The following ECRG4 variants were observed in gnomAD, a reference collection of about 807,000 sequenced individuals.
ECRG4 encodes the protein ECRG4 augurin precursor, also known as augurin.
ECRG4 carries 18 observed loss-of-function variants against 15.8 expected under a neutral mutation model. The ratio of observed to expected loss-of-function variants is 1.14; its 90% CI spans 0.79 to 1.69. The LOEUF is 1.69. ECRG4 is among the 40% of genes most tolerant of loss of function. The pLI is 0.00. For synonymous variants in ECRG4, 82 were observed against 73.9 expected, an observed-to-expected ratio of 1.11 and a Z score of -0.56; for missense variants, 200 against 190.9, an observed-to-expected ratio of 1.05 and a Z score of -0.28.
At chr2:106,064,147 A>G (rs1286461616), upstream of ECRG4, 1 of 152,222 alleles carries the variant, frequency 6.6e-6, no homozygotes, top group African/African-American at 2.4e-5. Flanking sequence ...AAGGGTTTAG[A>G]AGCACTTCCC....
Position 106,065,788 on chromosome 2 carries a change from TG to T in ECRG4, c.25del (p.Ala9LeufsTer5). On this transcript the variant is annotated frameshift_variant, in exon 1 of 4. Transcript: ENST00000238044. LOFTEE classifies it high-confidence loss of function. Reference sequence around the variant, plus strand: ...CCATGGCTGCCTCCCCCGCGCGGCCTGCTGTCCTGGCCCTGACCGGGCTGGC... The same window carrying T: ...CCATGGCTGCCTCCCCCGCGCGGCCTCTGTCCTGGCCCTGACCGGGCTGGC... MAASPARPAVLALTGLALL... is the reference protein window; with the variant it reads MAASPARPXVLALTGLALL... 6.7e-7 allele frequency: 1 copy of T among 1,484,720 alleles called. No individual in the cohort carries two copies. Among genetic ancestry groups the T allele is most frequent in the Admixed American group, 2.3e-5 (1 of 43,426 alleles). 92.0% of individuals were successfully genotyped at this position (1,484,720 alleles called of 1,614,324 possible). A position where few individuals can be genotyped will look rare whatever the true frequency, so the allele number is the denominator to read the frequency against.
At chr2:106,074,480 G>A (rs1392953110) in intron 3 of ECRG4, among the ~76,000 whole-genome samples, 1 of 152,366 alleles carries the variant, frequency 6.6e-6, no homozygotes, top group Non-Finnish European at 1.5e-5. Context: ...AAAGGGACCT[G>A]TAAAGAGAGG....
At position 106,073,832 on chromosome 2, in the gene ECRG4, G is replaced by C. The variant is rs10187661; in HGVS notation, c.128-54G>C. On this transcript the variant is annotated intron_variant, in intron 2 of 3. Transcript: ENST00000238044. ...GATGTATAACAGGGATTCACCGCAA[G>C]TGAGGAAGGAAGTCATTCTTTGTGC... 4.7e-3 allele frequency: 7,567 copies of C among 1,600,356 alleles called. 249 individuals are homozygous for C. The African/African-American group carries it at 0.075, about 16-fold the overall frequency.
At chr2:106,077,111 T>C (rs1013447511) in intron 3 of ECRG4, among the ~76,000 whole-genome samples, 1 of 152,092 alleles carries the variant, frequency 6.6e-6, no homozygotes, top group African/African-American at 2.4e-5. Context: ...TCAGGAACAG[T>C]AGGCTTCTTG....
chr2:106,065,668 G>C, upstream of ECRG4: 1 of 935,874 alleles, frequency 1.1e-6, no homozygotes, highest in Non-Finnish European at 1.5e-6. Context: ...GATAACCCGC[G>C]GCCGCGCCTG....
At chr2:106,069,666 T>G (rs1676319620) in intron 1 of ECRG4, among the ~76,000 whole-genome samples, 1 of 152,170 alleles carries the variant, frequency 6.6e-6, no homozygotes, top group African/African-American at 2.4e-5. Flanking sequence ...GTTAAACACC[T>G]AAATTCCTTT....
chr2:106,073,898 C>G lies in ECRG4; in HGVS notation c.140C>G (p.Thr47Ser), dbSNP rs767508460. 1.2e-6 allele frequency: 2 copies of G among 1,614,084 alleles called. No individual in the cohort carries two copies. Among genetic ancestry groups the G allele is most frequent in the Non-Finnish European group, 1.7e-6 (2 of 1,180,026 alleles). Residue 47 changes from threonine to serine, a missense_variant, in exon 3 of 4, where the codon ACT becomes AGT. Transcript: ENST00000238044. ...MLQKREAPVP[T>S]KTKVAVDENK... is the part of the protein sequence containing the mutation. ...TTGATGATTTCAGCACCTGTTCCAA[C>G]TAAGACTAAAGTGGCCGTTGATGAG...
chr2:106,070,874 T>C (rs1470675160), intron 1 of ECRG4: 1 of 470,642 alleles, frequency 2.1e-6, no homozygotes, highest in Non-Finnish European at 4.4e-6. Flanking sequence ...GGGGCCTGAC[T>C]CCAGTTCCTT....
chr2:106,077,903 A>C lies in ECRG4; in HGVS notation c.424A>C (p.Ser142Arg). ...RSPYGFRHGASVNYDDY is the reference protein window; with the variant it reads ...RSPYGFRHGARVNYDDY ...CCCCTACGGCTTTAGGCATGGAGCC[A>C]GCGTCAACTACGATGACTACTAACC... is the stretch of plus-strand genomic sequence containing the variant. Residue 142 changes from serine to arginine, a missense_variant, in exon 4 of 4, where the codon AGC becomes CGC. Transcript: ENST00000238044. The C allele has an allele frequency of 6.2e-7, 1 of 1,614,134 alleles. No homozygotes were observed.
chr2:106,075,896 C>T (rs1676478161), intron 3 of ECRG4, among the ~76,000 whole-genome samples: 1 of 152,172 alleles, frequency 6.6e-6, no homozygotes, highest in Non-Finnish European at 1.5e-5. Context: ...GGAATATGAT[C>T]TTCTTTTTCT....
intron 1 of ECRG4, among the ~76,000 whole-genome samples, chr2:106,070,011 C>A (rs1418800441): frequency 6.6e-6 from 1 of 152,226 alleles, no homozygotes; most frequent in Non-Finnish European, 1.5e-5. Flanking sequence ...ACCCAGCAGA[C>A]TCCCAGCTCT....
chr2:106,065,307 G>C (rs1284485315), upstream of ECRG4, among the ~76,000 whole-genome samples: 1 of 147,866 alleles, frequency 6.8e-6, no homozygotes, highest in Non-Finnish European at 1.5e-5. Context: ...CGGAGGAAGT[G>C]GGGGAGCCAA....
intron 2 of ECRG4, 121 bp downstream of exon 2, chr2:106,072,012 G>C (rs1271002815): frequency 2.6e-6 from 2 of 781,216 alleles, no homozygotes; most frequent in East Asian, 5.3e-5. Context: ...CTCCTTAAAA[G>C]GTTAGCAGAT....
At chr2:106,065,097 T>C (rs7559540), upstream of ECRG4, among the ~76,000 whole-genome samples, 2,805 of 152,128 alleles carry the variant, frequency 0.018, 85 homozygotes, top group African/African-American at 0.064. Flanking sequence ...GGACTGCAGC[T>C]CTGAACCCAG....
chr2:106,076,740 C>T (rs985225287), intron 3 of ECRG4, among the ~76,000 whole-genome samples: 1 of 152,162 alleles, frequency 6.6e-6, no homozygotes, highest in African/African-American at 2.4e-5. Flanking sequence ...GTGGCTGGTG[C>T]CTGAGAACCT....
rs1676514145 is a variant in ECRG4, at chr2:106,077,707, C to A, written c.286-58C>A. On this transcript the variant is annotated intron_variant, in intron 3 of 3. Coordinates refer to ENST00000238044, the MANE Select transcript of ECRG4 (RefSeq NM_032411.3). ...AGAAAAGCCATAGGTAAGATTAGGTCTTAGGGGACTGCATGACCTTAAATC... is the reference window on the plus strand; with the variant it reads ...AGAAAAGCCATAGGTAAGATTAGGTATTAGGGGACTGCATGACCTTAAATC... 1.3e-5 allele frequency: 20 copies of A among 1,505,776 alleles called. No homozygotes were observed. The East Asian group carries it at 4.5e-4, about 34-fold the overall frequency. 93.3% of individuals were successfully genotyped at this position (1,505,776 alleles called of 1,614,324 possible). A position where few individuals can be genotyped will look rare whatever the true frequency, so the allele number is the denominator to read the frequency against.
rs546441642 is a variant in ECRG4 at position 106,074,999 on chromosome 2, C to T, written c.285+956C>T. On this transcript the variant is annotated intron_variant, in intron 3 of 3. Coordinates refer to ENST00000238044, the MANE Select transcript of ECRG4 (RefSeq NM_032411.3). ...CAACCATTGGACATATTACTTGTTC[C>T]CTAAGTGTCTTTTTGCTTTTTTTTT... 2.9e-4 allele frequency among the ~76,000 whole-genome samples: 44 copies of T among 152,066 alleles called. 3 individuals are homozygous for T. Among genetic ancestry groups the T allele is most frequent in the Non-Finnish European group, 1.5e-5 (1 of 68,032 alleles).
rs983501524 is a variant in ECRG4 at position 106,065,722 on chromosome 2, C to G, written c.-43C>G. On this transcript the variant is annotated 5_prime_UTR_variant, in exon 1 of 4. Coordinates refer to ENST00000238044, the MANE Select transcript of ECRG4 (RefSeq NM_032411.3). The stretch of plus-strand genomic sequence containing the variant: ...CCGCGCCCGGTTCTCCCTCGCAGCA[C>G]CTCGAAGTGCGCCCCTCGCCCTCCT... 2 of 1,435,204 alleles carry G rather than the reference C, an allele frequency of 1.4e-6. No homozygotes were observed. Among genetic ancestry groups the G allele is most frequent in the Admixed American group, 2.5e-5 (1 of 40,660 alleles). 88.9% of individuals were successfully genotyped at this position (1,435,204 alleles called of 1,614,324 possible). A position where few individuals can be genotyped will look rare whatever the true frequency, so the allele number is the denominator to read the frequency against.
At chr2:106,065,625 A>G (rs1676191625), upstream of ECRG4, 1 of 564,066 alleles carries the variant, frequency 1.8e-6, no homozygotes, top group African/African-American at 2.0e-5. Flanking sequence ...CGCGGCGCCC[A>G]CCCGCTGGGT....
Sources: gnomAD v4.1 joint callset for allele counts (sites outside exome capture counted in the v4.1 genomes callset) on GRCh38, gnomAD v4.1.1 for gene constraint, MANE v1.5 for transcripts, NCBI Gene and HGNC (gene_info 2026-07-23, HGNC 2026-07-21) for gene names.